Variants in ATF7 observed in about 807,000 individuals in gnomAD.
ATF7 encodes cyclic AMP-dependent transcription factor ATF-7.
Under a neutral mutation model 50.4 loss-of-function variants are expected in ATF7, and 10 were observed. The observed-to-expected ratio is 0.20, with a 90% CI of 0.12 to 0.34. ATF7 has a LOEUF of 0.34. ATF7 is among the 10% of genes least tolerant of loss of function. The pLI, the probability that ATF7 is intolerant of heterozygous loss-of-function variation, is 1.00. For synonymous variants in ATF7, 201 were observed against 226.4 expected (o/e 0.89, Z 1.01); for missense variants, 465 against 613.9 (o/e 0.76, Z 2.56).
At chr12:53,583,629 C>A (rs1942539677) in intron 2 of ATF7, among the ~76,000 whole-genome samples, 1 of 152,188 alleles carries the variant, frequency 6.6e-6, no homozygotes, top group South Asian at 2.1e-4. Context: ...ACCTAGATGA[C>A]TTTTGTATGG....
chr12:53,614,535 C>G (rs527817857), intron 1 of ATF7, among the ~76,000 whole-genome samples: 1 of 152,270 alleles, frequency 6.6e-6, no homozygotes, highest in African/African-American at 2.4e-5. Context: ...AAAAACCTGA[C>G]AGGCTTTAAT....
At chr12:53,558,911 C>G (rs1292906641) in intron 2 of ATF7, among the ~76,000 whole-genome samples, 1 of 152,146 alleles carries the variant, frequency 6.6e-6, no homozygotes, top group African/African-American at 2.4e-5. Context: ...AAGTTTTACT[C>G]TCACCTATCC....
chr12:53,533,073 G>C (rs972053681), intron 7 of ATF7, 87 bp downstream of exon 7: 10 of 1,203,798 alleles, frequency 8.3e-6, no homozygotes, highest in Non-Finnish European at 1.2e-5. Flanking sequence ...ACATTTCCCT[G>C]GGGCTCATGT....
At chr12:53,555,896 AC>A (rs1190653746) in intron 2 of ATF7, among the ~76,000 whole-genome samples, 2 of 150,940 alleles carry the variant, frequency 1.3e-5, no homozygotes, top group Admixed American at 6.6e-5. Flanking sequence ...GCTCACTGCA[AC>A]CTCCACCTCC....
At chr12:53,552,860 A>G (rs1940468994) in intron 2 of ATF7, among the ~76,000 whole-genome samples, 1 of 152,144 alleles carries the variant, frequency 6.6e-6, no homozygotes, top group African/African-American at 2.4e-5. Flanking sequence ...CTGCTCTGTA[A>G]TATCAGGTCC....
intron 1 of ATF7, among the ~76,000 whole-genome samples, chr12:53,613,006 G>T (rs568345895): frequency 3.5e-4 from 51 of 145,664 alleles, no homozygotes; most frequent in Non-Finnish European, 6.5e-4. Flanking sequence ...TCTGTCTCAA[G>T]AAAAAAAAAA....
chr12:53,575,823 T>C (rs769944530), intron 2 of ATF7: 1 of 152,458 alleles, frequency 6.6e-6, no homozygotes, highest in African/African-American at 2.4e-5. Flanking sequence ...AGAAGGCAAT[T>C]CTCACTGCAT....
chr12:53,614,414 T>C (rs933963615), intron 1 of ATF7, among the ~76,000 whole-genome samples: 1 of 152,204 alleles, frequency 6.6e-6, no homozygotes, highest in Admixed American at 6.5e-5. Flanking sequence ...AGATAAAGTA[T>C]GATCCTCAAA....
chr12:53,534,946 A>G (rs1025355861), intron 5 of ATF7, among the ~76,000 whole-genome samples: 3 of 152,174 alleles, frequency 2.0e-5, no homozygotes, highest in African/African-American at 7.2e-5. Context: ...GTAGTACCAT[A>G]TAAATTCTAG....
chr12:53,607,536 A>G (rs1457765742), intron 1 of ATF7, among the ~76,000 whole-genome samples: 1 of 152,226 alleles, frequency 6.6e-6, no homozygotes, highest in Non-Finnish European at 1.5e-5. Context: ...CAGGAATTTA[A>G]ACAAGAATGG....
chr12:53,576,925 G>A (rs553389429), intron 2 of ATF7, among the ~76,000 whole-genome samples: 2 of 152,052 alleles, frequency 1.3e-5, no homozygotes, highest in South Asian at 2.1e-4. Flanking sequence ...GCATGGTTGC[G>A]CAAGACTGTA....
intron 2 of ATF7, among the ~76,000 whole-genome samples, chr12:53,563,120 CCT>C (rs1941245001): frequency 6.6e-6 from 1 of 152,022 alleles, no homozygotes; most frequent in Non-Finnish European, 1.5e-5. Flanking sequence ...GAAATGTGTT[CCT>C]CTCTCCATTG....
chr12:53,585,722 C>A (rs1207707721), intron 2 of ATF7, among the ~76,000 whole-genome samples: 1 of 151,788 alleles, frequency 6.6e-6, no homozygotes, highest in Non-Finnish European at 1.5e-5. Flanking sequence ...ATGCCCCAGA[C>A]ACTGATTTTT....
intron 1 of ATF7, among the ~76,000 whole-genome samples, chr12:53,618,956 G>A (rs1311706161): frequency 6.6e-6 from 1 of 151,414 alleles, no homozygotes; most frequent in African/African-American, 2.4e-5. Context: ...GGAGGCTGAG[G>A]CATGAGAATT....
At chr12:53,564,609 A>T (rs1941338443) in intron 2 of ATF7, among the ~76,000 whole-genome samples, 1 of 152,222 alleles carries the variant, frequency 6.6e-6, no homozygotes, top group Admixed American at 6.5e-5. Flanking sequence ...TCCTTTAAAA[A>T]ATCGTACACT....
intron 8 of ATF7, 120 bp downstream of exon 8, chr12:53,532,390 G>GA: frequency 2.8e-6 from 2 of 725,538 alleles, no homozygotes; most frequent in Admixed American, 5.7e-5. Context: ...CCACAGCAGG[G>GA]AGTCCTTAGC....
At chr12:53,603,378 C>T (rs1253982281) in intron 1 of ATF7, among the ~76,000 whole-genome samples, 1 of 151,436 alleles carries the variant, frequency 6.6e-6, no homozygotes. Context: ...TCATGACTTT[C>T]TGAAAGAAAA....
chr12:53,552,419 G>T, intron 3 of ATF7, 122 bp downstream of exon 3: 3 of 696,952 alleles, frequency 4.3e-6, no homozygotes, highest in African/African-American at 1.8e-5. Context: ...CTGATTAAAT[G>T]CAGATCACAT....
At position 53,524,887 on chromosome 12, in the gene ATF7, G is replaced by C; in HGVS notation, c.928-126C>G. On this transcript the variant is annotated intron_variant, in intron 9 of 11. Coordinates refer to ENST00000420353, the MANE Select transcript of ATF7 (RefSeq NM_006856.3). This position sits in a 1 kb window ranked among gnomAD's most constrained non-coding sequence, Gnocchi z 4.6. ...TACCAGCCTCTGGTAACCACAGCAA[G>C]TCTCATTACTATGTCCCCAAGCTTC... The C allele has an allele frequency of 1.1e-6, 1 of 899,108 alleles. No homozygotes were observed. Among genetic ancestry groups the C allele is most frequent in the South Asian group, 1.9e-5 (1 of 53,740 alleles). The allele number at this position is 899,108 out of a possible 1,614,324, so 55.7% of individuals were successfully genotyped here.
Sources: allele counts gnomAD v4.1 joint callset (sites outside exome capture counted in the v4.1 genomes callset), GRCh38; gene constraint gnomAD v4.1.1; non-coding constraint Gnocchi (gnomAD v3.1); transcripts MANE v1.5; gene names NCBI Gene and HGNC (gene_info 2026-07-23, HGNC 2026-07-21).